PID1: variants seen among roughly 807,000 people sequenced by gnomAD.
The protein encoded by PID1 is phosphotyrosine interaction domain containing 1, also known as PTB-containing, cubilin and LRP1-interacting protein.
A neutral mutation model predicts 19.1 loss-of-function variants in PID1; 10 were observed. The ratio of observed to expected loss-of-function variants is 0.52; its 90% CI spans 0.32 to 0.89. PID1 has a LOEUF of 0.89. PID1 is among the 40% of genes least tolerant of loss of function. PID1 has a pLI of 0.03. For synonymous variants in PID1, 130 were observed against 116.0 expected (o/e 1.12, Z -0.78); for missense variants, 248 against 285.3 (o/e 0.87, Z 0.94).
At chr2:229,238,631 G>C (rs1689785363) in intron 1 of PID1, among the ~76,000 whole-genome samples, 1 of 152,110 alleles carries the variant, frequency 6.6e-6, no homozygotes, top group Admixed American at 6.5e-5. Context: ...GAGTAAGAAA[G>C]GCCAGAGTTA....
chr2:229,028,439 C>T (rs569506464), intron 2 of PID1, among the ~76,000 whole-genome samples: 72 of 152,234 alleles, frequency 4.7e-4, no homozygotes, highest in African/African-American at 1.5e-3. Flanking sequence ...GTGGTGTTTA[C>T]GCACCAAATA....
At chr2:229,112,901 G>A (rs1459466287) in intron 2 of PID1, among the ~76,000 whole-genome samples, 3 of 152,124 alleles carry the variant, frequency 2.0e-5, no homozygotes, top group African/African-American at 7.2e-5. Flanking sequence ...TCAGAAAACA[G>A]TCATGAACAA....
At chr2:229,098,400 T>A (rs1249851872) in intron 2 of PID1, among the ~76,000 whole-genome samples, 1 of 152,220 alleles carries the variant, frequency 6.6e-6, no homozygotes, top group Non-Finnish European at 1.5e-5. Context: ...AGTTTCTTTA[T>A]GACAGGACTT....
chr2:229,136,218 C>T (rs1689854995), intron 2 of PID1, among the ~76,000 whole-genome samples: 2 of 152,098 alleles, frequency 1.3e-5, no homozygotes, highest in South Asian at 2.1e-4. Flanking sequence ...AGTCCAACAA[C>T]CTGAAAGGAA....
rs550522146 is a variant in PID1 at position 229,106,094 on chromosome 2, AAAG to A, written c.177+49721_177+49723del. The stretch of plus-strand genomic sequence containing the variant: ...GATTCCGTCAAAAAAAAAAAAGGGA[AAAG>A]AAGAAGAAAGAAAGAAATAAACAGA... On this transcript the variant is annotated intron_variant, in intron 2 of 2. Transcript: ENST00000392055. Among the ~76,000 whole-genome samples, 163 of 144,992 alleles carry A rather than the reference AAAG, an allele frequency of 1.1e-3. No individual in the cohort carries two copies. In the Middle Eastern group the frequency reaches 0.019, roughly 17 times the overall value.
chr2:229,125,142 ATG>A (rs1695596544), intron 2 of PID1, among the ~76,000 whole-genome samples: 2 of 152,098 alleles, frequency 1.3e-5, no homozygotes, highest in Non-Finnish European at 2.9e-5. Flanking sequence ...AGCAAAAATG[ATG>A]TGTGTCTCAT....
At chr2:229,186,423 G>T (rs1385988734) in intron 1 of PID1, among the ~76,000 whole-genome samples, 1 of 152,182 alleles carries the variant, frequency 6.6e-6, no homozygotes, top group African/African-American at 2.4e-5. Flanking sequence ...TCTCTGCACT[G>T]CCCTAGCAGA....
chr2:229,213,193 G>A (rs780994439), intron 1 of PID1, among the ~76,000 whole-genome samples: 2 of 152,022 alleles, frequency 1.3e-5, no homozygotes, highest in African/African-American at 2.4e-5. Flanking sequence ...ATTTGTCACT[G>A]GCAAAATGCC....
chr2:229,064,238 G>A (rs537230236), intron 2 of PID1, among the ~76,000 whole-genome samples: 4 of 152,242 alleles, frequency 2.6e-5, no homozygotes, highest in East Asian at 3.9e-4. Context: ...AGTAGTTACA[G>A]TGAAAGAGGA....
Position 229,212,820 on chromosome 2 carries a change from C to T in PID1, c.31-56856G>A, listed in dbSNP as rs572998123. Among the ~76,000 whole-genome samples the T allele has an allele frequency of 5.3e-5, 8 of 152,118 alleles. No individual in the cohort carries two copies. The East Asian group carries it at 1.6e-3, about 30-fold the overall frequency. ...AGCACAGCAAGGCAGGTAGAAGAGA[C>T]AAAATCAGAAGGCAGGAGCTCCCAC... On this transcript the variant is annotated intron_variant, in intron 1 of 2. Coordinates refer to ENST00000392055, the MANE Select transcript of PID1 (RefSeq NM_001100818.2).
chr2:229,030,033 T>C (rs1245647525), intron 2 of PID1, among the ~76,000 whole-genome samples: 1 of 152,080 alleles, frequency 6.6e-6, no homozygotes, highest in Admixed American at 6.6e-5. Flanking sequence ...ATAAACAAAA[T>C]ACAGTATATA....
At position 229,025,986 on chromosome 2, in the gene PID1, A is replaced by G. The variant is rs371656791; in HGVS notation, c.300T>C (p.Asn100=). 2.2e-5 allele frequency: 35 copies of G among 1,614,070 alleles called. 1 individual carries two copies. The African/African-American group carries it at 4.4e-4, about 20-fold the overall frequency. Residue 100 remains asparagine (N), a synonymous_variant, in exon 3 of 3, where the codon AAT becomes AAC. Transcript: ENST00000392055. ...GGAATGGCCGGATTTCCAGGAGGGC[A>G]TTGGCCGGAAAGACATCCTCTCGGG... ...TLAREDVFPA[N]ALLEIRPFQV...
At chr2:229,041,256 G>GA (rs1292542073) in intron 2 of PID1, among the ~76,000 whole-genome samples, 1 of 152,144 alleles carries the variant, frequency 6.6e-6, no homozygotes, top group East Asian at 1.9e-4. Flanking sequence ...CGCTTTACCA[G>GA]AAAGGAGGAA....
intron 1 of PID1, among the ~76,000 whole-genome samples, chr2:229,262,445 A>AT (rs373512328): frequency 6.7e-5 from 10 of 149,878 alleles, no homozygotes; most frequent in South Asian, 2.1e-4. Flanking sequence ...TGCTGTTTTC[A>AT]TTTTTTTTTT....
chr2:229,161,136 G>A (rs979291882), intron 1 of PID1, among the ~76,000 whole-genome samples: 29 of 152,196 alleles, frequency 1.9e-4, no homozygotes, highest in Non-Finnish European at 4.0e-4. Flanking sequence ...CATTGGTTCA[G>A]AGGAAACTCA....
At chr2:229,179,230 C>T (rs2106216948) in intron 1 of PID1, among the ~76,000 whole-genome samples, 1 of 152,208 alleles carries the variant, frequency 6.6e-6, no homozygotes, top group Middle Eastern at 3.4e-3. Context: ...CAAGCAGAGG[C>T]CAAAGAATGG....
At chr2:229,244,716 T>G (rs1574754137) in intron 1 of PID1, 1 of 152,228 alleles carries the variant, frequency 6.6e-6, no homozygotes, top group East Asian at 1.9e-4. Context: ...TATTATCTAA[T>G]CTGCAAAAGC....
chr2:229,126,858 C>T (rs1695632155), intron 2 of PID1, among the ~76,000 whole-genome samples: 2 of 152,236 alleles, frequency 1.3e-5, no homozygotes, highest in Admixed American at 1.3e-4. Context: ...CTTACCTCAA[C>T]ATTTTAGTGG....
chr2:229,088,849 A>G (rs926960804), intron 2 of PID1, among the ~76,000 whole-genome samples: 1 of 152,244 alleles, frequency 6.6e-6, no homozygotes, highest in Admixed American at 6.5e-5. Context: ...GTAGGGATTC[A>G]TCTTTGTCCA....
Sources: allele counts gnomAD v4.1 joint callset (sites outside exome capture counted in the v4.1 genomes callset), GRCh38; gene constraint gnomAD v4.1.1; transcripts MANE v1.5; gene names NCBI Gene and HGNC (gene_info 2026-07-23, HGNC 2026-07-21).